The following CENPQ variants were observed in gnomAD, a reference collection of about 807,000 sequenced individuals.
The protein encoded by CENPQ is chromosome 6 open reading frame 139.
Under a neutral mutation model 36.6 loss-of-function variants are expected in CENPQ, and 27 were observed. The observed-to-expected ratio is 0.74, with a 90% CI of 0.54 to 1.02. The LOEUF (loss-of-function observed/expected upper bound fraction) is 1.02, where lower values mean the gene tolerates loss of function less well. CENPQ is among the 50% of genes least tolerant of loss of function. CENPQ has a pLI of 0.00. For missense variants in CENPQ, 306 were observed against 301.8 expected, an observed-to-expected ratio of 1.01 and a Z score of -0.10; for synonymous variants, 101 against 101.7, an observed-to-expected ratio of 0.99 and a Z score of 0.04.
chr6:49,481,492 A>C (rs1171620156), intron 6 of CENPQ, among the ~76,000 whole-genome samples: 2 of 152,154 alleles, frequency 1.3e-5, no homozygotes, highest in Admixed American at 1.3e-4. Flanking sequence ...TCATAAAGGC[A>C]GTGTGGACCC....
At chr6:49,482,900 G>A (rs996857822) in intron 6 of CENPQ, among the ~76,000 whole-genome samples, 11 of 152,228 alleles carry the variant, frequency 7.2e-5, no homozygotes, top group South Asian at 6.2e-4. Context: ...AGACCTTCGC[G>A]GTGAGTGTTA....
chr6:49,477,544 T>C (rs2127425593), intron 5 of CENPQ, among the ~76,000 whole-genome samples: 1 of 151,510 alleles, frequency 6.6e-6, no homozygotes, highest in South Asian at 2.1e-4. Flanking sequence ...TGTGCACATG[T>C]ACCCTAGAAC....
rs767717034 is a variant in CENPQ, at chr6:49,492,112, A to G, written c.676-32A>G. 4 of 1,539,540 alleles carry G rather than the reference A, an allele frequency of 2.6e-6. No individual in the cohort carries two copies. In the South Asian group the frequency reaches 3.6e-5, roughly 14 times the overall value. On this transcript the variant is annotated intron_variant, in intron 8 of 8. Coordinates refer to ENST00000335783, the MANE Select transcript of CENPQ (RefSeq NM_018132.4). ...TTGAGATTTCTCATAATAAAATGTT[A>G]ACAACTACATTTAATACTATCTTTC...
chr6:49,470,553 C>T (rs937273338), intron 2 of CENPQ, among the ~76,000 whole-genome samples: 2 of 140,600 alleles, frequency 1.4e-5, no homozygotes, highest in African/African-American at 5.3e-5. Flanking sequence ...ACCCGGGAGG[C>T]AGAGGTTGCA....
rs1288248503 is a variant in CENPQ, at chr6:49,488,632, T to G, written c.623T>G (p.Val208Gly). 2 of 1,613,304 alleles carry G rather than the reference T, an allele frequency of 1.2e-6. No homozygotes were observed. Among genetic ancestry groups the G allele is most frequent in the Non-Finnish European group, 1.7e-6 (2 of 1,179,470 alleles). The change falls in exon 8 of 9, where the codon GTA becomes GGA. Residue 208 changes from valine to glycine, a missense_variant. Val to Gly is a moderately radical substitution (Grantham distance 109, BLOSUM62 -3). Coordinates refer to ENST00000335783, the MANE Select transcript of CENPQ (RefSeq NM_018132.4). Reference sequence around the variant, plus strand: ...ATGCATCAAATAAATAGTAGTGGAGTACTCTCTCTTCCGGAACTTTCTCAG... The same window carrying G: ...ATGCATCAAATAAATAGTAGTGGAGGACTCTCTCTTCCGGAACTTTCTCAG... The part of the protein sequence containing the change: ...KQMHQINSSG[V>G]LSLPELSQKT...
intron 6 of CENPQ, among the ~76,000 whole-genome samples, chr6:49,486,693 T>C (rs1467666246): frequency 1.3e-5 from 2 of 152,210 alleles, no homozygotes; most frequent in African/African-American, 4.8e-5. Flanking sequence ...AAGGAATTTA[T>C]TGAGATTTTT....
intron 1 of CENPQ, among the ~76,000 whole-genome samples, chr6:49,465,485 T>C (rs7759071): frequency 0.6 from 90,941 of 152,106 alleles, 27,531 homozygotes; most frequent in South Asian, 0.65. Flanking sequence ...AAGTCCTAGA[T>C]AGCATCTTCC....
At chr6:49,482,240 C>T (rs918611875) in intron 6 of CENPQ, among the ~76,000 whole-genome samples, 6 of 152,190 alleles carry the variant, frequency 3.9e-5, no homozygotes, top group African/African-American at 7.2e-5. Flanking sequence ...GAGCCAGCTC[C>T]GGCCTTGGCC....
intron 6 of CENPQ, 33 bp downstream of exon 6, chr6:49,481,113 A>C: frequency 6.5e-7 from 1 of 1,543,320 alleles, no homozygotes. Flanking sequence ...CCATAATTAG[A>C]GAGTTAGGGA....
chr6:49,478,958 C>G (rs1768366508), intron 5 of CENPQ, among the ~76,000 whole-genome samples: 1 of 152,124 alleles, frequency 6.6e-6, no homozygotes, highest in Non-Finnish European at 1.5e-5. Flanking sequence ...CTATTTAGAA[C>G]ATTTGGAGCA....
chr6:49,475,879 A>G (rs1459420062), intron 5 of CENPQ, among the ~76,000 whole-genome samples: 2 of 130,850 alleles, frequency 1.5e-5, no homozygotes, highest in African/African-American at 5.8e-5. Flanking sequence ...GACGTGAAGG[A>G]CCTCTTCAAG....
intron 5 of CENPQ, among the ~76,000 whole-genome samples, chr6:49,477,513 T>C (rs1164944746): frequency 6.6e-6 from 1 of 150,762 alleles, no homozygotes; most frequent in African/African-American, 2.4e-5. Flanking sequence ...CATGTATACA[T>C]ATGTAACAAA....
chr6:49,490,969 T>C (rs906917867), intron 8 of CENPQ, among the ~76,000 whole-genome samples: 1 of 152,196 alleles, frequency 6.6e-6, no homozygotes, highest in Non-Finnish European at 1.5e-5. Context: ...TTTTAAAGTT[T>C]GAACTATTAC....
intron 8 of CENPQ, among the ~76,000 whole-genome samples, chr6:49,490,684 A>G (rs1303849498): frequency 6.6e-6 from 1 of 152,208 alleles, no homozygotes; most frequent in Non-Finnish European, 1.5e-5. Context: ...AAAGTAAGAG[A>G]CATGATTCTT....
intron 6 of CENPQ, among the ~76,000 whole-genome samples, chr6:49,485,888 T>G (rs1487047620): frequency 6.6e-6 from 1 of 152,120 alleles, no homozygotes; most frequent in African/African-American, 2.4e-5. Flanking sequence ...ATAAATTTTA[T>G]AATGAGAAAT....
chr6:49,464,183 A>G (rs1010081190), intron 1 of CENPQ, among the ~76,000 whole-genome samples: 5 of 152,194 alleles, frequency 3.3e-5, no homozygotes, highest in Admixed American at 2.0e-4. Context: ...AAAGCCTGTC[A>G]CACGATTTTT....
At chr6:49,485,989 C>G (rs181719595) in intron 6 of CENPQ, among the ~76,000 whole-genome samples, 6 of 152,222 alleles carry the variant, frequency 3.9e-5, no homozygotes, top group East Asian at 1.9e-4. Context: ...AGGGTCTTGT[C>G]CAATATAATT....
chr6:49,467,484 T>A (rs1156260629), intron 1 of CENPQ, among the ~76,000 whole-genome samples: 1 of 152,208 alleles, frequency 6.6e-6, no homozygotes. Flanking sequence ...AACCTAAAAC[T>A]GTTCTGAAAA....
chr6:49,482,176 G>A (rs938179489), intron 6 of CENPQ, among the ~76,000 whole-genome samples: 4 of 152,158 alleles, frequency 2.6e-5, no homozygotes, highest in African/African-American at 4.8e-5. Context: ...AGCACCGCGC[G>A]CAGCCCCGGT....
Sources: allele counts gnomAD v4.1 joint callset (sites outside exome capture counted in the v4.1 genomes callset), GRCh38; gene constraint gnomAD v4.1.1; transcripts MANE v1.5; gene names NCBI Gene and HGNC (gene_info 2026-07-23, HGNC 2026-07-21).